TAFA2: variants seen among roughly 807,000 people sequenced by gnomAD.
TAFA2 encodes chemokine-like protein TAFA-2.
A neutral mutation model predicts 18.8 loss-of-function variants in TAFA2; 7 were observed. The ratio of observed to expected loss-of-function variants is 0.37; its 90% CI spans 0.21 to 0.70. TAFA2 has a LOEUF of 0.70. TAFA2 is among the 30% of genes least tolerant of loss of function. The pLI, the probability that TAFA2 is intolerant of heterozygous loss-of-function variation, is 0.53. For missense variants in TAFA2, 122 were observed against 158.1 expected (o/e 0.77, Z 1.23); for synonymous variants, 60 against 54.2 (o/e 1.11, Z -0.47).
At chr12:62,230,926 T>C (rs1317512268) in intron 1 of TAFA2, among the ~76,000 whole-genome samples, 2 of 152,220 alleles carry the variant, frequency 1.3e-5, no homozygotes, top group African/African-American at 4.8e-5. Flanking sequence ...TCCTCCTTCC[T>C]TGGCCTCCCA....
intron 1 of TAFA2, among the ~76,000 whole-genome samples, chr12:62,119,113 T>C (rs1047327911): frequency 6.6e-6 from 1 of 152,154 alleles, no homozygotes; most frequent in Non-Finnish European, 1.5e-5. Flanking sequence ...TTTTTTCATG[T>C]AGTGTGAGGG....
At chr12:61,845,062 A>G (rs951869439) in intron 2 of TAFA2, among the ~76,000 whole-genome samples, 2 of 152,118 alleles carry the variant, frequency 1.3e-5, no homozygotes, top group Non-Finnish European at 2.9e-5. Flanking sequence ...GTTCCTGGGG[A>G]AAAAGTTAGC....
chr12:62,118,366 T>A (rs1183267658), intron 1 of TAFA2, among the ~76,000 whole-genome samples: 1 of 152,128 alleles, frequency 6.6e-6, no homozygotes, highest in Admixed American at 6.5e-5. Context: ...AGTTTATTCA[T>A]CCACTCTCCT....
intron 1 of TAFA2, among the ~76,000 whole-genome samples, chr12:62,134,306 C>T (rs1474254738): frequency 6.6e-6 from 1 of 151,770 alleles, no homozygotes; most frequent in African/African-American, 2.4e-5. Context: ...TAAATGAGGT[C>T]CTAAGCATGG....
intron 2 of TAFA2, among the ~76,000 whole-genome samples, chr12:61,794,735 T>C (rs1871121797): frequency 6.6e-6 from 1 of 152,084 alleles, no homozygotes; most frequent in Non-Finnish European, 1.5e-5. Context: ...AAATGGGATC[T>C]AATTCAACTA....
chr12:61,818,649 C>T (rs1005888290), intron 2 of TAFA2, among the ~76,000 whole-genome samples: 1 of 152,090 alleles, frequency 6.6e-6, no homozygotes, highest in Non-Finnish European at 1.5e-5. Flanking sequence ...ATCACTCTTC[C>T]TTACTGGGGT....
chr12:61,711,879 G>C (rs1024117217), intron 4 of TAFA2, among the ~76,000 whole-genome samples: 4 of 152,000 alleles, frequency 2.6e-5, no homozygotes, highest in African/African-American at 9.7e-5. Context: ...GGGAGCAGGA[G>C]ATATCTTAGG....
At chr12:61,785,723 CA>C (rs929517788) in intron 2 of TAFA2, among the ~76,000 whole-genome samples, 22 of 149,234 alleles carry the variant, frequency 1.5e-4, no homozygotes, top group Middle Eastern at 3.2e-3. Flanking sequence ...CTGAGACAGG[CA>C]AAAAAAAATT....
At chr12:62,080,669 T>C (rs556600334) in intron 1 of TAFA2, among the ~76,000 whole-genome samples, 1 of 152,354 alleles carries the variant, frequency 6.6e-6, no homozygotes, top group African/African-American at 2.4e-5. Flanking sequence ...TGAACTTCTT[T>C]GGTCTTCAGT....
intron 1 of TAFA2, among the ~76,000 whole-genome samples, chr12:61,925,151 C>T (rs1877232432): frequency 6.6e-6 from 1 of 152,044 alleles, no homozygotes; most frequent in Non-Finnish European, 1.5e-5. Context: ...ACATTAACAC[C>T]CCACTGTCAA....
At chr12:61,719,236 T>C (rs1477411773) in intron 4 of TAFA2, among the ~76,000 whole-genome samples, 2 of 152,174 alleles carry the variant, frequency 1.3e-5, no homozygotes, top group Non-Finnish European at 2.9e-5. Flanking sequence ...CAACCGCCTT[T>C]GTAAAGCTAA....
At chr12:61,982,239 T>C (rs931085842) in intron 1 of TAFA2, among the ~76,000 whole-genome samples, 6 of 151,892 alleles carry the variant, frequency 4.0e-5, no homozygotes, top group African/African-American at 1.5e-4. Flanking sequence ...AAATGAACAA[T>C]CAGATCACTT....
intron 3 of TAFA2, among the ~76,000 whole-genome samples, chr12:61,754,199 A>T (rs938046526): frequency 6.6e-6 from 1 of 151,990 alleles, no homozygotes; most frequent in African/African-American, 2.4e-5. Flanking sequence ...TATTCCCATG[A>T]ATAAGATGGT....
At chr12:61,815,037 T>C (rs746660333) in intron 2 of TAFA2, among the ~76,000 whole-genome samples, 26 of 151,678 alleles carry the variant, frequency 1.7e-4, no homozygotes, top group Non-Finnish European at 2.9e-4. Flanking sequence ...TCACCTAGTG[T>C]GTGGTAATTT....
chr12:62,109,040 A>G (rs978361540), intron 1 of TAFA2, among the ~76,000 whole-genome samples: 11 of 152,130 alleles, frequency 7.2e-5, no homozygotes, highest in African/African-American at 2.7e-4. Flanking sequence ...TGTTTTAGTC[A>G]TTAAGTCTTT....
intron 1 of TAFA2, among the ~76,000 whole-genome samples, chr12:61,896,533 C>T (rs1875852289): frequency 6.6e-6 from 1 of 152,190 alleles, no homozygotes; most frequent in Non-Finnish European, 1.5e-5. Flanking sequence ...ACTTCAAGTG[C>T]TTGAAGCTCT....
At chr12:62,077,169 CTTGA>C (rs755833962) in intron 1 of TAFA2, among the ~76,000 whole-genome samples, 5 of 152,162 alleles carry the variant, frequency 3.3e-5, no homozygotes, top group South Asian at 2.1e-4. Flanking sequence ...TGTTGGCTGA[CTTGA>C]TTAAGTCTCT....
chr12:62,004,779 A>G (rs1002343717), intron 1 of TAFA2, among the ~76,000 whole-genome samples: 2 of 152,124 alleles, frequency 1.3e-5, no homozygotes, highest in Admixed American at 1.3e-4. Context: ...AAAACAAAAT[A>G]AGTGTCTATC....
At chr12:61,909,145 C>T (rs1876493933) in intron 1 of TAFA2, among the ~76,000 whole-genome samples, 1 of 152,126 alleles carries the variant, frequency 6.6e-6, no homozygotes, top group South Asian at 2.1e-4. Context: ...AGAAGTCAGC[C>T]ACAAATTCAT....
Sources: allele counts gnomAD v4.1 joint callset (sites outside exome capture counted in the v4.1 genomes callset), GRCh38; gene constraint gnomAD v4.1.1; transcripts MANE v1.5; gene names NCBI Gene and HGNC (gene_info 2026-07-23, HGNC 2026-07-21).